Variants in RASA1 observed in about 807,000 individuals in gnomAD.
RASA1 encodes ras GTPase-activating protein 1.
RASA1 carries 25 observed loss-of-function variants against 132.2 expected under a neutral mutation model. The observed-to-expected ratio is 0.19, with a 90% CI of 0.14 to 0.26. RASA1 has a LOEUF of 0.26. Among genes scored for constraint, RASA1 ranks in the 10% least tolerant of loss-of-function variants. The pLI, the probability that RASA1 is intolerant of heterozygous loss-of-function variation, is 1.00. For missense variants in RASA1, 964 were observed against 1,299.2 expected, an observed-to-expected ratio of 0.74 and a Z score of 3.97; for synonymous variants, 477 against 449.9, an observed-to-expected ratio of 1.06 and a Z score of -0.76.
chr5:87,279,142 C>T (rs1448122702), intron 1 of RASA1, among the ~76,000 whole-genome samples: 1 of 152,086 alleles, frequency 6.6e-6, no homozygotes, highest in East Asian at 1.9e-4. Flanking sequence ...ATTCAGGAGG[C>T]TGAGGTGGGA....
At chr5:87,371,253 C>T (rs1444975096) in intron 12 of RASA1, among the ~76,000 whole-genome samples, 1 of 151,762 alleles carries the variant, frequency 6.6e-6, no homozygotes, top group Non-Finnish European at 1.5e-5. Flanking sequence ...ATTTATTGGG[C>T]TGTGGGGGTC....
chr5:87,312,672 AGGGATATCTGGAACT>A (rs1167530627), intron 1 of RASA1, among the ~76,000 whole-genome samples: 1 of 152,204 alleles, frequency 6.6e-6, no homozygotes, highest in Non-Finnish European at 1.5e-5. Flanking sequence ...CTGGAATCTC[AGGGATATCTGGAACT>A]GGGGATGTGA....
intron 1 of RASA1, among the ~76,000 whole-genome samples, chr5:87,322,163 C>A (rs1756868846): frequency 6.6e-6 from 1 of 152,048 alleles, no homozygotes; most frequent in Non-Finnish European, 1.5e-5. Context: ...TTGTTTAAAG[C>A]AGGGGTCCTC....
At chr5:87,323,744 C>T (rs1461589030) in intron 1 of RASA1, among the ~76,000 whole-genome samples, 6 of 151,562 alleles carry the variant, frequency 4.0e-5, no homozygotes, top group Non-Finnish European at 7.4e-5. Context: ...TGCTTTTTCC[C>T]ACTGCCTGTT....
At chr5:87,337,610 A>G (rs1758065705) in intron 4 of RASA1, among the ~76,000 whole-genome samples, 1 of 152,128 alleles carries the variant, frequency 6.6e-6, no homozygotes, top group African/African-American at 2.4e-5. Flanking sequence ...ATAACATTGA[A>G]GCATAAGTTT....
chr5:87,327,965 T>TC (rs1342710082), intron 1 of RASA1, among the ~76,000 whole-genome samples: 4 of 148,288 alleles, frequency 2.7e-5, no homozygotes, highest in African/African-American at 1.0e-4. Context: ...AGACTCCGTT[T>TC]CCCAAAAAAA....
chr5:87,271,383 T>C (rs904649585), intron 1 of RASA1, among the ~76,000 whole-genome samples: 1 of 151,580 alleles, frequency 6.6e-6, no homozygotes, highest in Non-Finnish European at 1.5e-5. Flanking sequence ...TCTAGTCTTA[T>C]GCTAGTTTAT....
chr5:87,338,536 A>ATATATTTTT, intron 5 of RASA1, among the ~76,000 whole-genome samples: 7 of 85,216 alleles, frequency 8.2e-5, no homozygotes, highest in South Asian at 3.9e-4. Flanking sequence ...TATATATAAA[A>ATATATTTTT]TTTTTTTTTT....
Position 87,362,677 on chromosome 5 carries a change from T to G in RASA1, c.1453+6T>G, listed in dbSNP as rs1352575365. ...AGGTTATCTTCTGAAAAAGGGTAAG[T>G]TCAGACTTTTATCATTAACCCATTT... On this transcript the variant is annotated splice_donor_region_variant and intron_variant, in intron 10 of 24. Transcript: ENST00000274376. The G allele has an allele frequency of 6.2e-7, 1 of 1,603,970 alleles. No individual in the cohort carries two copies. Among genetic ancestry groups the G allele is most frequent in the Non-Finnish European group, 8.5e-7 (1 of 1,171,170 alleles).
At chr5:87,318,159 C>A (rs1173899527) in intron 1 of RASA1, among the ~76,000 whole-genome samples, 1 of 152,134 alleles carries the variant, frequency 6.6e-6, no homozygotes, top group African/African-American at 2.4e-5. Flanking sequence ...AACAGTTCTA[C>A]CTGAGCTTCT....
intron 1 of RASA1, among the ~76,000 whole-genome samples, chr5:87,313,387 A>G (rs532907958): frequency 6.6e-6 from 1 of 152,170 alleles, no homozygotes; most frequent in Admixed American, 6.5e-5. Flanking sequence ...CTTTACCAAG[A>G]AAAAGAGGAA....
In RASA1 at chr5:87,380,526, A is replaced by C; in HGVS notation, c.2621A>C (p.Tyr874Ser). Residue 874 changes from tyrosine (Y) to serine (S), a missense_variant, in exon 20 of 25, where the codon TAT becomes TCT. Physicochemically the swap from Tyr to Ser is moderately radical, Grantham distance 144 (BLOSUM62 -2). Around this residue, in one of 6 missense-constraint regions of RASA1, gnomAD observed 346 missense variants for 520.1 expected, o/e 0.67. Coordinates refer to ENST00000274376, the MANE Select transcript of RASA1 (RefSeq NM_002890.3). ...EILPPTLRYI[Y>S]GCLQKSVQHK... ...TTTGGCAGGACATTGAGATATATTT[A>C]TGGGTGTTTACAGAAATCTGTTCAG... 1 of 1,612,876 alleles carries C rather than the reference A, an allele frequency of 6.2e-7. No individual in the cohort carries two copies. The highest frequency in any genetic ancestry group is 2.2e-5 in the East Asian group (1 of 44,804).
intron 1 of RASA1, among the ~76,000 whole-genome samples, chr5:87,282,689 C>A (rs1043709995): frequency 6.6e-6 from 1 of 152,106 alleles, no homozygotes; most frequent in African/African-American, 2.4e-5. Flanking sequence ...TTAGATCTTA[C>A]GTTACTGTCT....
chr5:87,385,619 A>G (rs968045484), intron 22 of RASA1, among the ~76,000 whole-genome samples: 1 of 152,138 alleles, frequency 6.6e-6, no homozygotes, highest in East Asian at 1.9e-4. Flanking sequence ...TTCAAGGTCC[A>G]GTGTACTCAA....
chr5:87,315,246 G>T (rs1756236672), intron 1 of RASA1, among the ~76,000 whole-genome samples: 2 of 152,152 alleles, frequency 1.3e-5, no homozygotes, highest in South Asian at 4.1e-4. Context: ...TTACAATTTT[G>T]GATGCTGGGA....
intron 1 of RASA1, among the ~76,000 whole-genome samples, chr5:87,312,267 C>T (rs1755977856): frequency 6.6e-6 from 1 of 152,084 alleles, no homozygotes; most frequent in South Asian, 2.1e-4. Context: ...CAATATAGAG[C>T]AACATATTGA....
chr5:87,372,066 GA>G (rs1760990012), intron 12 of RASA1, 51 bp from the exon 13 acceptor site: 1 of 1,506,682 alleles, frequency 6.6e-7, no homozygotes, highest in Admixed American at 2.0e-5. Flanking sequence ...TGATGATTTG[GA>G]AGCCAAATAA....
At chr5:87,375,041 T>A in intron 15 of RASA1, 125 bp downstream of exon 15, 4 of 1,262,216 alleles carry the variant, frequency 3.2e-6, no homozygotes, top group Non-Finnish European at 4.2e-6. Context: ...TTTGAGATAG[T>A]TTCTTTCTGT....
chr5:87,331,111 T>C, intron 1 of RASA1: 1 of 875,660 alleles, frequency 1.1e-6, no homozygotes, highest in South Asian at 1.7e-5. Flanking sequence ...ATGGAAGAGA[T>C]TTATATATGA....
Sources: gnomAD v4.1 joint callset for allele counts (sites outside exome capture counted in the v4.1 genomes callset) on GRCh38, gnomAD v4.1.1 for gene constraint, gnomAD v4.1.1 regional missense constraint, MANE v1.5 for transcripts, NCBI Gene and HGNC (gene_info 2026-07-23, HGNC 2026-07-21) for gene names.